The following FHIT variants were observed in gnomAD, a reference collection of about 807,000 sequenced individuals.
FHIT encodes fragile histidine triad diadenosine triphosphatase.
FHIT carries 19 observed loss-of-function variants against 17.9 expected under a neutral mutation model. The ratio of observed to expected loss-of-function variants is 1.06; its 90% confidence interval spans 0.74 to 1.56. The LOEUF is 1.56. FHIT is among the 40% of genes most tolerant of loss of function. FHIT has a pLI of 0.00. For synonymous variants in FHIT, 81 were observed against 69.7 expected (o/e 1.16, Z -0.81); for missense variants, 248 against 189.2 (o/e 1.31, Z -1.82).
chr3:60,180,787 T>C (rs555911903), intron 5 of FHIT, among the ~76,000 whole-genome samples: 2 of 152,158 alleles, frequency 1.3e-5, no homozygotes, highest in South Asian at 4.1e-4. Flanking sequence ...TTAATCTGTA[T>C]CTGGAAGAAC....
At chr3:60,526,231 G>A (rs183067561) in intron 5 of FHIT, among the ~76,000 whole-genome samples, 7 of 152,106 alleles carry the variant, frequency 4.6e-5, no homozygotes, top group Non-Finnish European at 7.4e-5. Flanking sequence ...CTGCAAATAC[G>A]GTAGTCTGCA....
intron 5 of FHIT, among the ~76,000 whole-genome samples, chr3:60,041,206 G>T (rs1382970068): frequency 6.6e-6 from 1 of 152,162 alleles, no homozygotes; most frequent in Non-Finnish European, 1.5e-5. Flanking sequence ...GACAGAAGGA[G>T]ACTTGCAGAT....
intron 8 of FHIT, among the ~76,000 whole-genome samples, chr3:59,766,877 C>T (rs1268174853): frequency 6.6e-6 from 1 of 152,168 alleles, no homozygotes; most frequent in African/African-American, 2.4e-5. Context: ...TTGATTTTGG[C>T]AATAACTCAC....
chr3:60,686,463 C>T (rs2040864701), intron 4 of FHIT, among the ~76,000 whole-genome samples: 1 of 152,108 alleles, frequency 6.6e-6, no homozygotes, highest in Non-Finnish European at 1.5e-5. Context: ...TCTCTATCAC[C>T]TTTCCTTCTG....
chr3:59,805,123 TA>T (rs1339951676), intron 8 of FHIT, among the ~76,000 whole-genome samples: 1 of 152,104 alleles, frequency 6.6e-6, no homozygotes, highest in Admixed American at 6.6e-5. Context: ...GGGCACGGAA[TA>T]AGAAACTCAA....
At chr3:60,874,374 C>G (rs1553755787) in intron 3 of FHIT, among the ~76,000 whole-genome samples, 2 of 152,132 alleles carry the variant, frequency 1.3e-5, no homozygotes, top group African/African-American at 4.8e-5. Flanking sequence ...GTCTCTTGGG[C>G]TAGTGACCAA....
intron 5 of FHIT, among the ~76,000 whole-genome samples, chr3:60,378,944 G>A (rs1482111701): frequency 2.0e-5 from 3 of 152,204 alleles, no homozygotes; most frequent in East Asian, 1.9e-4. Flanking sequence ...CCCGTTGCAA[G>A]CACTACAATC....
intron 7 of FHIT, among the ~76,000 whole-genome samples, chr3:59,979,725 G>A (rs1004954135): frequency 6.6e-6 from 1 of 152,112 alleles, no homozygotes; most frequent in African/African-American, 2.4e-5. Flanking sequence ...ATAAGAAGGG[G>A]TTTGGTCGCT....
At chr3:60,744,138 T>C (rs2042294655) in intron 4 of FHIT, among the ~76,000 whole-genome samples, 2 of 151,704 alleles carry the variant, frequency 1.3e-5, no homozygotes, top group Admixed American at 1.3e-4. Flanking sequence ...ACTATTTCAA[T>C]GCCTGGTAAA....
intron 5 of FHIT, among the ~76,000 whole-genome samples, chr3:60,138,515 C>A (rs550954120): frequency 6.6e-6 from 1 of 152,098 alleles, no homozygotes; most frequent in Non-Finnish European, 1.5e-5. Context: ...TAACCTTTTA[C>A]CCAAGGTTCC....
At chr3:61,110,430 C>A (rs1402652005) in intron 2 of FHIT, among the ~76,000 whole-genome samples, 3 of 152,166 alleles carry the variant, frequency 2.0e-5, no homozygotes, top group African/African-American at 7.2e-5. Flanking sequence ...AGCCAGCCCC[C>A]ACCTCCACCC....
At chr3:60,676,938 C>T (rs1325139114) in intron 4 of FHIT, among the ~76,000 whole-genome samples, 1 of 152,116 alleles carries the variant, frequency 6.6e-6, no homozygotes, top group Non-Finnish European at 1.5e-5. Flanking sequence ...GCCGTGGCGC[C>T]ATCTTGGCTC....
chr3:60,028,158 A>AT (rs77905870), intron 5 of FHIT, among the ~76,000 whole-genome samples: 22,043 of 151,884 alleles, frequency 0.15, 1,785 homozygotes, highest in East Asian at 0.29. Flanking sequence ...CCACCTAGAG[A>AT]TTTTTTTGTT....
chr3:60,972,643 A>T (rs547946038), intron 3 of FHIT, among the ~76,000 whole-genome samples: 1 of 152,124 alleles, frequency 6.6e-6, no homozygotes, highest in South Asian at 2.1e-4. Flanking sequence ...CTATTCTTCA[A>T]ATAATACTTA....
At chr3:60,285,161 C>T (rs1707663623) in intron 5 of FHIT, among the ~76,000 whole-genome samples, 1 of 152,082 alleles carries the variant, frequency 6.6e-6, no homozygotes, top group African/African-American at 2.4e-5. Flanking sequence ...TCATTAAAGA[C>T]ATATTAAATG....
intron 2 of FHIT, among the ~76,000 whole-genome samples, chr3:61,125,188 G>C (rs1293523390): frequency 6.6e-6 from 1 of 152,162 alleles, no homozygotes; most frequent in Non-Finnish European, 1.5e-5. Flanking sequence ...TGTATTTAAG[G>C]ATTATTTCAA....
At chr3:59,854,279 C>A (rs139109495) in intron 8 of FHIT, among the ~76,000 whole-genome samples, 1 of 152,234 alleles carries the variant, frequency 6.6e-6, no homozygotes, top group African/African-American at 2.4e-5. Context: ...CGGAAGCATT[C>A]CAGGGGGAAG....
chr3:60,554,112 T>G (rs985644859), intron 4 of FHIT, among the ~76,000 whole-genome samples: 13 of 151,514 alleles, frequency 8.6e-5, no homozygotes, highest in African/African-American at 2.9e-4. Flanking sequence ...AAAAAACGTA[T>G]CAGGGAAAGA....
intron 3 of FHIT, among the ~76,000 whole-genome samples, chr3:60,904,864 G>A (rs944358032): frequency 4.0e-5 from 6 of 151,134 alleles, no homozygotes; most frequent in Admixed American, 6.6e-5. Context: ...GCTTGAACCC[G>A]GGAGGCGGAG....
Sources: gnomAD v4.1 joint callset for allele counts (sites outside exome capture counted in the v4.1 genomes callset) on GRCh38, gnomAD v4.1.1 for gene constraint, MANE v1.5 for transcripts, NCBI Gene and HGNC (gene_info 2026-07-23, HGNC 2026-07-21) for gene names.